LYRM4: variants seen among roughly 807,000 people sequenced by gnomAD.
LYRM4 encodes LYR motif-containing protein 4.
In LYRM4, 9 loss-of-function variants were observed where a neutral mutation model predicts 11.7. The observed-to-expected ratio is 0.77, with a 90% CI of 0.46 to 1.34. The LOEUF is 1.34. LYRM4 is among the 40% of genes most tolerant of loss of function. The pLI, the probability that LYRM4 is intolerant of heterozygous loss-of-function variation, is 0.00. For synonymous variants in LYRM4, 42 were observed against 40.4 expected, an observed-to-expected ratio of 1.04 and a Z score of -0.15; for missense variants, 133 against 112.5, an observed-to-expected ratio of 1.18 and a Z score of -0.82.
intron 2 of LYRM4, among the ~76,000 whole-genome samples, chr6:5,212,525 G>C (rs965676880): frequency 6.6e-6 from 1 of 152,170 alleles, no homozygotes; most frequent in Non-Finnish European, 1.5e-5. Context: ...GACATAAAAG[G>C]CCTCTCAAAT....
intron 2 of LYRM4, among the ~76,000 whole-genome samples, chr6:5,127,365 A>T (rs1374106045): frequency 6.6e-6 from 1 of 152,222 alleles, no homozygotes; most frequent in Non-Finnish European, 1.5e-5. Flanking sequence ...GATTACAGGC[A>T]TAAGCCACCG....
chr6:5,142,271 C>T (rs918289921), intron 2 of LYRM4, among the ~76,000 whole-genome samples: 5 of 152,092 alleles, frequency 3.3e-5, no homozygotes, highest in Admixed American at 6.6e-5. Flanking sequence ...GGAACCCAGC[C>T]GCCATGTTGT....
At chr6:5,078,388 CA>C in the LYRM4 span, among the ~76,000 whole-genome samples, 1 of 152,082 alleles carries the variant, frequency 6.6e-6, no homozygotes, top group Admixed American at 6.5e-5. Flanking sequence ...AAGAGCTATT[CA>C]TTTAACCTCT....
At chr6:5,168,779 T>A (rs1393428486) in intron 2 of LYRM4, among the ~76,000 whole-genome samples, 1 of 152,230 alleles carries the variant, frequency 6.6e-6, no homozygotes, top group African/African-American at 2.4e-5. Context: ...GTACTGTGGT[T>A]ATGTACGAGA....
chr6:5,035,845 G>A, the LYRM4 span, among the ~76,000 whole-genome samples: 2 of 124,014 alleles, frequency 1.6e-5, no homozygotes, highest in African/African-American at 6.3e-5. Flanking sequence ...GACATATTTG[G>A]GGAGGTGGTG....
intron 2 of LYRM4, among the ~76,000 whole-genome samples, chr6:5,122,077 A>G (rs911864665): frequency 1.2e-4 from 18 of 152,224 alleles, no homozygotes; most frequent in Non-Finnish European, 4.4e-5. Context: ...TTAATCAAAT[A>G]TAACTGAGCA....
At chr6:5,066,287 C>CT in the LYRM4 span, 74 of 720,332 alleles carry the variant, frequency 1.0e-4, no homozygotes, top group Non-Finnish European at 1.3e-4. Flanking sequence ...TTCTGGAATT[C>CT]TTTTTTACCA....
At chr6:5,179,553 T>C (rs1215859173) in intron 2 of LYRM4, among the ~76,000 whole-genome samples, 1 of 152,238 alleles carries the variant, frequency 6.6e-6, no homozygotes, top group Admixed American at 6.5e-5. Context: ...TTATTTCACC[T>C]AGCATAATGT....
the LYRM4 span, among the ~76,000 whole-genome samples, chr6:5,061,117 A>G: frequency 6.6e-6 from 1 of 152,262 alleles, no homozygotes; most frequent in South Asian, 2.1e-4. Flanking sequence ...TTAATTAAAA[A>G]GACAGTTAAT....
the LYRM4 span, chr6:5,085,640 C>A: frequency 6.5e-7 from 1 of 1,548,828 alleles, no homozygotes; most frequent in Non-Finnish European, 8.7e-7. Context: ...AGTCCTGACG[C>A]TCAGCTAGGG....
intron 2 of LYRM4, among the ~76,000 whole-genome samples, chr6:5,185,125 G>A (rs1760310876): frequency 6.6e-6 from 1 of 152,194 alleles, no homozygotes; most frequent in South Asian, 2.1e-4. Context: ...GCTCCTCGAG[G>A]GTCGAGTCGC....
intron 2 of LYRM4, among the ~76,000 whole-genome samples, chr6:5,128,242 A>C (rs1387512061): frequency 6.6e-6 from 1 of 152,224 alleles, no homozygotes; most frequent in Non-Finnish European, 1.5e-5. Flanking sequence ...GAAATATTTT[A>C]TAGAAGCTGC....
At chr6:5,038,309 C>T in the LYRM4 span, among the ~76,000 whole-genome samples, 90 of 59,820 alleles carry the variant, frequency 1.5e-3, 31 homozygotes, top group African/African-American at 3.9e-3. Flanking sequence ...AGAGATGCTC[C>T]TCACTTCCTA....
chr6:5,140,517 C>T (rs1757346452), intron 2 of LYRM4, among the ~76,000 whole-genome samples: 1 of 152,168 alleles, frequency 6.6e-6, no homozygotes, highest in Non-Finnish European at 1.5e-5. Flanking sequence ...AAGGTTTAGA[C>T]AAACTATGAT....
chr6:5,234,334 C>T (rs1763412545), intron 1 of LYRM4, among the ~76,000 whole-genome samples: 1 of 152,218 alleles, frequency 6.6e-6, no homozygotes, highest in Non-Finnish European at 1.5e-5. Context: ...GGCAAGTGGC[C>T]TTCACGGGGC....
the LYRM4 span, among the ~76,000 whole-genome samples, chr6:5,074,484 G>T: frequency 1.2e-4 from 17 of 147,452 alleles, no homozygotes; most frequent in Non-Finnish European, 1.8e-4. Flanking sequence ...GAGGTTCAAG[G>T]CTTCAGTGGA....
the LYRM4 span, chr6:5,086,616 G>A: frequency 7.3e-7 from 1 of 1,371,118 alleles, no homozygotes; most frequent in Non-Finnish European, 9.7e-7. Flanking sequence ...CGTGGAGCTC[G>A]GGCTGCCGCC....
downstream of LYRM4, among the ~76,000 whole-genome samples, chr6:5,100,406 C>T (rs1031296878): frequency 1.3e-5 from 2 of 152,160 alleles, no homozygotes; most frequent in Non-Finnish European, 2.9e-5. Context: ...TTCTCTTCTC[C>T]CCTGTCTACA....
chr6:5,221,407 G>C (rs772669265), intron 1 of LYRM4, among the ~76,000 whole-genome samples: 1 of 152,122 alleles, frequency 6.6e-6, no homozygotes, highest in Non-Finnish European at 1.5e-5. Flanking sequence ...CAAAACCGAA[G>C]TGCCTGGCTG....
Sources: gnomAD v4.1 joint callset for allele counts (sites outside exome capture counted in the v4.1 genomes callset) on GRCh38, gnomAD v4.1.1 for gene constraint, MANE v1.5 for transcripts, NCBI Gene and HGNC (gene_info 2026-07-23, HGNC 2026-07-21) for gene names.